EIF2B3: variants seen among roughly 807,000 people sequenced by gnomAD.
The protein encoded by EIF2B3 is eukaryotic translation initiation factor 2B subunit gamma.
Under a neutral mutation model 54.1 loss-of-function variants are expected in EIF2B3, and 20 were observed. The observed-to-expected ratio is 0.37, with a 90% CI of 0.26 to 0.54. EIF2B3 has a LOEUF of 0.54. Among genes scored for constraint, EIF2B3 ranks in the 20% least tolerant of loss-of-function variants. The pLI is 0.86. For synonymous variants in EIF2B3, 153 were observed against 188.1 expected, an observed-to-expected ratio of 0.81 and a Z score of 1.52; for missense variants, 448 against 547.8, an observed-to-expected ratio of 0.82 and a Z score of 1.82.
chr1:44,960,555 C>T (rs947768528), intron 3 of EIF2B3, among the ~76,000 whole-genome samples: 5 of 151,914 alleles, frequency 3.3e-5, no homozygotes, highest in Admixed American at 6.6e-5. Flanking sequence ...AGGAGAATGG[C>T]GTGAACCCGG....
chr1:44,950,528 G>C lies in EIF2B3; in HGVS notation c.295-8863C>G, dbSNP rs572551978. 5.9e-5 allele frequency among the ~76,000 whole-genome samples: 9 copies of C among 152,160 alleles called. No homozygotes were observed. In the East Asian group the frequency reaches 1.3e-3, roughly 23 times the overall value. On this transcript the variant is annotated intron_variant, in intron 3 of 11. Coordinates refer to ENST00000360403, the MANE Select transcript of EIF2B3 (RefSeq NM_020365.5). ...AGTAGCTAAAAGAAGAGAACCTTTCGGGTTAGGGATATGGGGTGGGGGTGG... is the reference window on the plus strand; with the variant it reads ...AGTAGCTAAAAGAAGAGAACCTTTCCGGTTAGGGATATGGGGTGGGGGTGG...
chr1:44,946,238 G>A (rs1265284054), intron 3 of EIF2B3, among the ~76,000 whole-genome samples: 1 of 152,132 alleles, frequency 6.6e-6, no homozygotes, highest in Non-Finnish European at 1.5e-5. Flanking sequence ...GCATACAGAC[G>A]GAGGTGCTGT....
intron 10 of EIF2B3, among the ~76,000 whole-genome samples, chr1:44,864,848 A>G (rs556268539): frequency 4.1e-4 from 63 of 152,286 alleles, no homozygotes; most frequent in Non-Finnish European, 7.8e-4. Flanking sequence ...TAAGATTCTT[A>G]GGTCACAAAT....
At chr1:44,852,115 ATT>A (rs34314171) in intron 11 of EIF2B3, among the ~76,000 whole-genome samples, 18 of 133,236 alleles carry the variant, frequency 1.4e-4, no homozygotes, top group Non-Finnish European at 1.8e-4. Context: ...CACATGGCTA[ATT>A]TTTTTTTTTT....
Position 44,876,380 on chromosome 1 carries a change from G to A in EIF2B3, c.976-685C>T, listed in dbSNP as rs1029301439. Among the ~76,000 whole-genome samples the A allele has an allele frequency of 2.7e-4, 38 of 142,736 alleles. 1 individual carries two copies. Among genetic ancestry groups the A allele is most frequent in the Admixed American group, 2.1e-4 (3 of 14,352 alleles). 93.6% of individuals were successfully genotyped at this position (142,736 alleles called of 152,430 possible). On this transcript the variant is annotated intron_variant, in intron 8 of 11. Transcript: ENST00000360403. ...CCGCCCCGTCTGGGATGTGAGGAGCGCCTCTGCCTGGCCGCGACCCTGTCT... is the reference window on the plus strand; with the variant it reads ...CCGCCCCGTCTGGGATGTGAGGAGCACCTCTGCCTGGCCGCGACCCTGTCT...
At chr1:44,888,472 A>ACTCTCTCT (rs1655677552) in intron 6 of EIF2B3, among the ~76,000 whole-genome samples, 1 of 115,132 alleles carries the variant, frequency 8.7e-6, no homozygotes, top group Admixed American at 9.1e-5. Flanking sequence ...ATGGCTTCTC[A>ACTCTCTCT]ATCTCTCTCT....
At chr1:44,949,201 A>C (rs1468327147) in intron 3 of EIF2B3, among the ~76,000 whole-genome samples, 2 of 152,124 alleles carry the variant, frequency 1.3e-5, no homozygotes, top group African/African-American at 4.8e-5. Flanking sequence ...TCGACTGCCA[A>C]GAATGTATAC....
intron 5 of EIF2B3, among the ~76,000 whole-genome samples, chr1:44,914,772 T>C (rs1569708069): frequency 6.6e-6 from 1 of 152,052 alleles, no homozygotes; most frequent in Non-Finnish European, 1.5e-5. Context: ...CACTGCTAGC[T>C]CCGCCACCCT....
At chr1:44,914,976 A>C (rs1210333897) in intron 5 of EIF2B3, among the ~76,000 whole-genome samples, 1 of 149,072 alleles carries the variant, frequency 6.7e-6, no homozygotes, top group Non-Finnish European at 1.5e-5. Context: ...GGTGTGAGCC[A>C]CCATGCCCCG....
intron 5 of EIF2B3, among the ~76,000 whole-genome samples, chr1:44,923,305 C>T (rs1037220781): frequency 2.6e-5 from 4 of 152,168 alleles, no homozygotes; most frequent in Non-Finnish European, 5.9e-5. Flanking sequence ...TAAGCTTTCT[C>T]AAAATAGATG....
chr1:44,882,636 A>G (rs1439038754), intron 6 of EIF2B3, among the ~76,000 whole-genome samples: 3 of 132,756 alleles, frequency 2.3e-5, no homozygotes, highest in African/African-American at 8.8e-5. Context: ...TTTTTTTTTG[A>G]GACAGTCTTG....
chr1:44,937,659 G>A (rs1465814961), intron 4 of EIF2B3, among the ~76,000 whole-genome samples: 1 of 151,678 alleles, frequency 6.6e-6, no homozygotes, highest in Non-Finnish European at 1.5e-5. Flanking sequence ...CGAGGCGGGC[G>A]GATCACGAGG....
chr1:44,897,585 C>T, intron 5 of EIF2B3, 141 bp from the exon 6 acceptor site: 2 of 701,736 alleles, frequency 2.9e-6, no homozygotes, highest in Non-Finnish European at 4.9e-6. Flanking sequence ...TCTGGGGAGA[C>T]CAGGACAGTG....
At chr1:44,896,242 G>A (rs1655966025) in intron 6 of EIF2B3, among the ~76,000 whole-genome samples, 1 of 152,206 alleles carries the variant, frequency 6.6e-6, no homozygotes, top group Non-Finnish European at 1.5e-5. Flanking sequence ...TCAGAAGGGA[G>A]CAGGGCAACT....
At chr1:44,880,748 G>A (rs992553876) in intron 7 of EIF2B3, among the ~76,000 whole-genome samples, 6 of 152,246 alleles carry the variant, frequency 3.9e-5, no homozygotes, top group Non-Finnish European at 7.4e-5. Context: ...GGATCATGAG[G>A]TCAGGAGATC....
At chr1:44,959,059 C>T (rs565501351) in intron 3 of EIF2B3, 2 of 756,276 alleles carry the variant, frequency 2.6e-6, no homozygotes, top group East Asian at 4.9e-5. Context: ...GGAACGCCAT[C>T]TTCAGCATCA....
chr1:44,855,007 GT>G (rs1654392653), intron 11 of EIF2B3, among the ~76,000 whole-genome samples: 1 of 151,114 alleles, frequency 6.6e-6, no homozygotes, highest in Non-Finnish European at 1.5e-5. Context: ...AGTTGTTGGT[GT>G]TTGCCTAGGT....
At chr1:44,980,998 C>T (rs1644505836) in intron 2 of EIF2B3, 23 bp downstream of exon 2, 2 of 1,613,724 alleles carry the variant, frequency 1.2e-6, no homozygotes, top group Non-Finnish European at 1.7e-6. Context: ...TATGAGTTCA[C>T]AGCTCACTTT....
rs779896143 is a variant in EIF2B3, at chr1:44,850,997, C to T, written c.1313G>A (p.Arg438Gln). The change falls in exon 12 of 12, where the codon CGA (arginine) becomes CAA (glutamine). Residue 438 changes from arginine to glutamine, a missense_variant. Arg to Gln is a conservative substitution (Grantham distance 43). This residue lies in a region of EIF2B3 where 350 missense variants were observed against 414.2 expected (regional missense o/e 0.85). Coordinates refer to ENST00000360403, the MANE Select transcript of EIF2B3 (RefSeq NM_020365.5). Reference protein sequence around the residue: ...SGQRIEAKAKRVNEVIVGNDQ... With the variant: ...SGQRIEAKAKQVNEVIVGNDQ... The stretch of plus-strand genomic sequence containing the variant: ...ATTCCCCACGATCACCTCATTCACT[C>T]GTTTAGCTACAAAAGAAAAGGAAAA... 9.9e-6 allele frequency: 16 copies of T among 1,613,850 alleles called. No individual in the cohort carries two copies. Among genetic ancestry groups the T allele is most frequent in the Middle Eastern group, 1.6e-4 (1 of 6,084 alleles).
Sources: gnomAD v4.1 joint callset for allele counts (sites outside exome capture counted in the v4.1 genomes callset) on GRCh38, gnomAD v4.1.1 for gene constraint, gnomAD v4.1.1 regional missense constraint, MANE v1.5 for transcripts, NCBI Gene and HGNC (gene_info 2026-07-23, HGNC 2026-07-21) for gene names.